The following RIMKLB variants were observed in gnomAD, a reference collection of about 807,000 sequenced individuals.
The protein encoded by RIMKLB is ribosomal modification protein rimK like family member B.
In RIMKLB, 7 loss-of-function variants were observed where a neutral mutation model predicts 32.0. That is an observed-to-expected ratio of 0.22 (90% CI 0.12 to 0.41). The LOEUF (loss-of-function observed/expected upper bound fraction) is 0.41. Ranked by LOEUF, RIMKLB falls within the 10% of genes least tolerant of loss-of-function variation. The pLI is 1.00. For missense variants in RIMKLB, 289 were observed against 498.7 expected, an observed-to-expected ratio of 0.58 and a Z score of 4.00; for synonymous variants, 172 against 185.1, an observed-to-expected ratio of 0.93 and a Z score of 0.57.
chr12:8,702,649 T>A (rs1943504764), intron 1 of RIMKLB, among the ~76,000 whole-genome samples: 1 of 152,244 alleles, frequency 6.6e-6, no homozygotes, highest in African/African-American at 2.4e-5. Context: ...TTTCATACTT[T>A]ATCAGAAAAC....
At chr12:8,715,235 T>TC in intron 2 of RIMKLB, among the ~76,000 whole-genome samples, 1 of 150,350 alleles carries the variant, frequency 6.7e-6, no homozygotes, top group African/African-American at 2.5e-5. Context: ...GTTCTTTTTT[T>TC]TTTTTTTTTT....
At chr12:8,684,425 C>T (rs1027490347) in intron 1 of RIMKLB, among the ~76,000 whole-genome samples, 4 of 152,118 alleles carry the variant, frequency 2.6e-5, no homozygotes, top group Admixed American at 2.0e-4. Flanking sequence ...CACCCGCCCC[C>T]GCCTCCCAAA....
chr12:8,754,199 C>A, intron 5 of RIMKLB, 106 bp downstream of exon 5: 1 of 789,912 alleles, frequency 1.3e-6, no homozygotes, highest in Non-Finnish European at 2.1e-6. Flanking sequence ...AGTTGAAAAA[C>A]GTATTTCCTT....
intron 2 of RIMKLB, among the ~76,000 whole-genome samples, chr12:8,735,179 G>C (rs767210367): frequency 9.9e-5 from 15 of 152,128 alleles, no homozygotes; most frequent in African/African-American, 1.4e-4. Flanking sequence ...TGTCAGCTGT[G>C]GGGTATTGCT....
chr12:8,718,657 A>ATGTGTGTGTG (rs1394689486), intron 2 of RIMKLB, among the ~76,000 whole-genome samples: 131 of 133,608 alleles, frequency 9.8e-4, no homozygotes, highest in African/African-American at 3.9e-3. Context: ...CTCTCTCTAT[A>ATGTGTGTGTG]TATATATATA....
At chr12:8,745,933 G>A (rs1280949910) in intron 2 of RIMKLB, among the ~76,000 whole-genome samples, 1 of 150,398 alleles carries the variant, frequency 6.6e-6, no homozygotes. Context: ...GACCTCAGGT[G>A]ATCCACCCAC....
chr12:8,723,804 C>CTTTTTTTTTTTT (rs35269536), intron 2 of RIMKLB, among the ~76,000 whole-genome samples: 7 of 75,500 alleles, frequency 9.3e-5, no homozygotes, highest in African/African-American at 2.7e-4. Context: ...CTTCAGTTCC[C>CTTTTTTTTTTTT]TTTTTTTTTT....
chr12:8,731,999 A>G (rs1255909430), intron 2 of RIMKLB, among the ~76,000 whole-genome samples: 1 of 151,082 alleles, frequency 6.6e-6, no homozygotes, highest in Non-Finnish European at 1.5e-5. Context: ...AGTATGAAGT[A>G]CTCTCCTTCC....
chr12:8,670,842 T>C, the RIMKLB span, among the ~76,000 whole-genome samples: 6 of 152,254 alleles, frequency 3.9e-5, no homozygotes, highest in Non-Finnish European at 5.9e-5. Context: ...CATCCAGGCA[T>C]TTCCATACAT....
intron 1 of RIMKLB, among the ~76,000 whole-genome samples, chr12:8,707,447 T>G (rs755836953): frequency 3.9e-5 from 6 of 152,374 alleles, no homozygotes; most frequent in African/African-American, 1.4e-4. Context: ...TTCTTTGCCC[T>G]TCCTGGGTGC....
intron 5 of RIMKLB, among the ~76,000 whole-genome samples, chr12:8,758,041 C>T (rs374329096): frequency 2.6e-5 from 4 of 151,988 alleles, no homozygotes; most frequent in African/African-American, 9.7e-5. Context: ...AGCTATCCTC[C>T]TGCCTCTTGC....
intron 5 of RIMKLB, among the ~76,000 whole-genome samples, chr12:8,766,359 C>T (rs868424295): frequency 2.6e-5 from 4 of 152,252 alleles, no homozygotes; most frequent in South Asian, 2.1e-4. Context: ...GCGTGCCCAA[C>T]GTTGCCTTTG....
upstream of RIMKLB, among the ~76,000 whole-genome samples, chr12:8,677,261 C>G (rs1307887956): frequency 6.6e-6 from 1 of 152,148 alleles, no homozygotes; most frequent in Non-Finnish European, 1.5e-5. Flanking sequence ...TGCACCCCCA[C>G]CCTCAGCTAA....
chr12:8,681,770 G>A (rs1017770119), exon 1 of RIMKLB: 6 of 152,204 alleles, frequency 3.9e-5, no homozygotes, highest in African/African-American at 1.4e-4. Flanking sequence ...CTGTGCTCAG[G>A]ACTCTTGCAG....
upstream of RIMKLB, among the ~76,000 whole-genome samples, chr12:8,678,587 C>A (rs893997966): frequency 1.3e-5 from 2 of 152,200 alleles, no homozygotes; most frequent in Non-Finnish European, 2.9e-5. Context: ...CTCGGCCTCC[C>A]AAAGTGCTGG....
chr12:8,695,243 T>C (rs1055499345), upstream of RIMKLB, among the ~76,000 whole-genome samples: 2 of 110,054 alleles, frequency 1.8e-5, no homozygotes, highest in East Asian at 3.1e-4. Context: ...TCCTGAAAAA[T>C]ATTAATTCAC....
rs1314215635 is a variant in RIMKLB, at chr12:8,775,084, T to C, written c.*1300T>C. ...TGAGTAGATGCTTTTTTAGGCCTTT[T>C]TGTGTATATGTACGTTGTTTGTTTT... On this transcript the variant is annotated 3_prime_UTR_variant, in exon 6 of 6. Transcript: ENST00000535829. The C allele has an allele frequency of 2.0e-6, 2 of 985,792 alleles. No homozygotes were observed. The highest frequency in any genetic ancestry group is 3.5e-5 in the African/African-American group (2 of 57,356). The allele number at this position is 985,792 out of a possible 1,614,324, so 61.1% of individuals were successfully genotyped here.
chr12:8,768,097 G>A (rs750191052), intron 5 of RIMKLB, among the ~76,000 whole-genome samples: 2 of 152,298 alleles, frequency 1.3e-5, no homozygotes, highest in East Asian at 1.9e-4. Flanking sequence ...CTTGGGCCAT[G>A]TGGTGAGTGT....
At position 8,773,798 on chromosome 12, in the gene RIMKLB, T is replaced by C; in HGVS notation, c.*14T>C. 1 of 1,593,762 alleles carries C rather than the reference T, an allele frequency of 6.3e-7. No homozygotes were observed. Among genetic ancestry groups the C allele is most frequent in the Non-Finnish European group, 8.6e-7 (1 of 1,167,950 alleles). ...CTGGTGGACTGACTCCACTGGTAATTAACCAACAAAACCCTTGTAAAACTT... is the reference window on the plus strand; with the variant it reads ...CTGGTGGACTGACTCCACTGGTAATCAACCAACAAAACCCTTGTAAAACTT... On this transcript the variant is annotated 3_prime_UTR_variant, in exon 6 of 6. Transcript: ENST00000535829.
Sources: gnomAD v4.1 joint callset for allele counts (sites outside exome capture counted in the v4.1 genomes callset) on GRCh38, gnomAD v4.1.1 for gene constraint, MANE v1.5 for transcripts, NCBI Gene and HGNC (gene_info 2026-07-23, HGNC 2026-07-21) for gene names.